CGGBP1: variants seen among roughly 807,000 people sequenced by gnomAD.
The protein encoded by CGGBP1 is CGG triplet repeat-binding protein 1.
In CGGBP1, 4 loss-of-function variants were observed where a neutral mutation model predicts 11.4. The ratio of observed to expected loss-of-function variants is 0.35; its 90% confidence interval spans 0.17 to 0.80. CGGBP1 has a LOEUF of 0.80. Ranked by LOEUF, CGGBP1 falls within the 30% of genes least tolerant of loss-of-function variation. The pLI, the probability that CGGBP1 is intolerant of heterozygous loss-of-function variation, is 0.52. For synonymous variants in CGGBP1, 76 were observed against 74.1 expected (o/e 1.03, Z -0.13); for missense variants, 135 against 202.1 (o/e 0.67, Z 2.01).
At chr3:88,076,579 G>C (rs1336390247) in intron 2 of CGGBP1, among the ~76,000 whole-genome samples, 2 of 151,614 alleles carry the variant, frequency 1.3e-5, no homozygotes, top group East Asian at 1.9e-4. Flanking sequence ...GTTTTGTTTT[G>C]TTTTGTTTTG....
rs149896493 is a variant in CGGBP1, at chr3:88,099,707, A to G, written c.-229+41263T>C. Reference sequence around the variant, plus strand: ...CCATCTGATTTTGACAATCCTGACAAAAACAAGAAATGGAGAAAGGATTCC... The same window carrying G: ...CCATCTGATTTTGACAATCCTGACAGAAACAAGAAATGGAGAAAGGATTCC... On this transcript the variant is annotated intron_variant, in intron 2 of 3. Coordinates refer to the CGGBP1 transcript ENST00000462901. 3.0e-3 allele frequency among the ~76,000 whole-genome samples: 462 copies of G among 152,368 alleles called. 3 individuals are homozygous for G. Among genetic ancestry groups the G allele is most frequent in the African/African-American group, 0.011 (444 of 41,582 alleles).
Position 88,052,342 on chromosome 3 carries a change from T to A in CGGBP1, c.*3131A>T, listed in dbSNP as rs533441106. The A allele has an allele frequency of 1.3e-5, 2 of 152,660 alleles. No homozygotes were observed. The highest frequency in any genetic ancestry group is 2.9e-5 in the Non-Finnish European group (2 of 68,032). The allele number at this position is 152,660 out of a possible 1,614,324, so 9.5% of individuals were successfully genotyped here. A position where few individuals can be genotyped will look rare whatever the true frequency, so the allele number is the denominator to read the frequency against. On this transcript the variant is annotated 3_prime_UTR_variant, in exon 4 of 4. Coordinates refer to ENST00000482016, the MANE Select transcript of CGGBP1 (RefSeq NM_001008390.2). ...CAAAAAATCATAGACCCAATTTTCC[T>A]TGTTATGAATCAAATGAACATGTTT...
chr3:88,083,255 T>G (rs1323182225), intron 2 of CGGBP1, among the ~76,000 whole-genome samples: 1 of 152,202 alleles, frequency 6.6e-6, no homozygotes, highest in Non-Finnish European at 1.5e-5. Context: ...GATGATATAT[T>G]TTAGTGTTCC....
chr3:88,093,560 A>C (rs1386369966), intron 2 of CGGBP1, among the ~76,000 whole-genome samples: 1 of 152,200 alleles, frequency 6.6e-6, no homozygotes, highest in Admixed American at 6.6e-5. Flanking sequence ...AAGAGAAAAG[A>C]CCAAAGGGTC....
At chr3:88,082,029 A>G (rs540019365) in intron 2 of CGGBP1, among the ~76,000 whole-genome samples, 1 of 152,332 alleles carries the variant, frequency 6.6e-6, no homozygotes, top group African/African-American at 2.4e-5. Context: ...AGATTGTATT[A>G]GTCTGCGTTC....
At chr3:88,070,476 A>G (rs1354236186) in intron 2 of CGGBP1, among the ~76,000 whole-genome samples, 1 of 151,968 alleles carries the variant, frequency 6.6e-6, no homozygotes, top group African/African-American at 2.4e-5. Context: ...AACTTGCCAA[A>G]CAAATACAAC....
intron 2 of CGGBP1, among the ~76,000 whole-genome samples, chr3:88,084,565 C>T (rs1242454517): frequency 1.3e-5 from 2 of 152,152 alleles, no homozygotes; most frequent in African/African-American, 4.8e-5. Flanking sequence ...CAGAGACAAT[C>T]TCCTTTAGCT....
At chr3:88,144,380 G>A (rs570339290) in intron 1 of CGGBP1, 2 of 152,434 alleles carry the variant, frequency 1.3e-5, no homozygotes, top group South Asian at 4.1e-4. Flanking sequence ...GGATGATAGT[G>A]TTTATTTTTT....
At chr3:88,071,340 T>G (rs1707498473) in intron 2 of CGGBP1, among the ~76,000 whole-genome samples, 1 of 151,906 alleles carries the variant, frequency 6.6e-6, no homozygotes, top group Non-Finnish European at 1.5e-5. Context: ...TGAAACCCTG[T>G]CCCTACTAAA....
intron 2 of CGGBP1, chr3:88,140,646 C>T (rs1407212235): frequency 6.2e-7 from 1 of 1,613,700 alleles, no homozygotes; most frequent in Admixed American, 1.7e-5. Context: ...TTCATCAGAT[C>T]CTGCTTTGAA....
intron 2 of CGGBP1, among the ~76,000 whole-genome samples, chr3:88,095,237 A>C (rs1262662426): frequency 6.6e-6 from 1 of 152,088 alleles, no homozygotes; most frequent in African/African-American, 2.4e-5. Flanking sequence ...CCCTATGAAT[A>C]GGACTATCAG....
At chr3:88,116,020 A>G (rs2107778142) in intron 2 of CGGBP1, among the ~76,000 whole-genome samples, 1 of 152,288 alleles carries the variant, frequency 6.6e-6, no homozygotes, top group South Asian at 2.1e-4. Flanking sequence ...AAGATAATAT[A>G]GAGAGAAAGA....
upstream of CGGBP1, chr3:88,059,619 A>G: frequency 8.7e-7 from 1 of 1,151,876 alleles, no homozygotes; most frequent in South Asian, 1.7e-5. Context: ...CCTCCCCAAC[A>G]AGGAGGGTGA....
upstream of CGGBP1, among the ~76,000 whole-genome samples, chr3:88,060,787 G>A (rs1435624996): frequency 6.6e-6 from 1 of 152,014 alleles, no homozygotes; most frequent in Non-Finnish European, 1.5e-5. Context: ...TTCAATGCTT[G>A]TAAGGAATTT....
In CGGBP1 at chr3:88,058,974, C is replaced by A. The variant is rs1706671728; in HGVS notation, c.-490G>T. 1 of 226,848 alleles carries A rather than the reference C, an allele frequency of 4.4e-6. No individual in the cohort carries two copies. The highest frequency in any genetic ancestry group is 1.2e-4 in the South Asian group (1 of 8,164). 14.1% of individuals were successfully genotyped at this position (226,848 alleles called of 1,614,324 possible). On this transcript the variant is annotated 5_prime_UTR_variant, in exon 1 of 4. Coordinates refer to ENST00000482016, the MANE Select transcript of CGGBP1 (RefSeq NM_001008390.2). ...GAGCCCCGCGGCGGCCGCCGTGTCC[C>A]CCGCCGCGCCCCGTCCGCCTGCACC... is the stretch of plus-strand genomic sequence containing the variant.
chr3:88,134,350 T>C (rs1283027190), intron 2 of CGGBP1, among the ~76,000 whole-genome samples: 4 of 152,106 alleles, frequency 2.6e-5, no homozygotes, highest in Admixed American at 2.0e-4. Flanking sequence ...TTAATACTTT[T>C]AGATTATGAT....
At chr3:88,094,402 G>A (rs1206632920) in intron 2 of CGGBP1, among the ~76,000 whole-genome samples, 4 of 152,132 alleles carry the variant, frequency 2.6e-5, no homozygotes, top group African/African-American at 9.7e-5. Flanking sequence ...TGAGCAAAGA[G>A]ATAGATTACT....
chr3:88,109,664 G>C (rs769627420), intron 2 of CGGBP1, among the ~76,000 whole-genome samples: 1 of 152,114 alleles, frequency 6.6e-6, no homozygotes, highest in Non-Finnish European at 1.5e-5. Flanking sequence ...TTAAATCTGC[G>C]TTATTCAAGG....
At chr3:88,059,618 CAAG>C (rs3840483), upstream of CGGBP1, 10 of 1,382,068 alleles carry the variant, frequency 7.2e-6, no homozygotes, top group East Asian at 2.8e-4. Context: ...TCCTCCCCAA[CAAG>C]GAGGGTGAGG....
Sources: allele counts gnomAD v4.1 joint callset (sites outside exome capture counted in the v4.1 genomes callset), GRCh38; gene constraint gnomAD v4.1.1; transcripts MANE v1.5; gene names NCBI Gene and HGNC (gene_info 2026-07-23, HGNC 2026-07-21).